Variants in ADAMTSL3 observed in about 807,000 individuals in gnomAD.
ADAMTSL3 encodes the protein ADAMTS-like protein 3.
In ADAMTSL3, 128 loss-of-function variants were observed where a neutral mutation model predicts 201.7. The ratio of observed to expected loss-of-function variants is 0.63; its 90% CI spans 0.55 to 0.73. The LOEUF is 0.73. Among genes scored for constraint, ADAMTSL3 ranks in the 30% least tolerant of loss-of-function variants. The pLI, the probability that ADAMTSL3 is intolerant of heterozygous loss-of-function variation, is 0.00. For synonymous variants in ADAMTSL3, 738 were observed against 748.4 expected (o/e 0.99, Z 0.23); for missense variants, 1,990 against 2,119.6 (o/e 0.94, Z 1.20).
rs558968451 is a variant in ADAMTSL3 at position 83,655,711 on chromosome 15, C to T, written c.-33-18C>T. ...GGGGCCAGAGCTGGTTGGTAATGAA[C>T]TCTTTCCTCGTTTGTAGGCTACAAC... On this transcript the variant is annotated intron_variant, in intron 1 of 29. Transcript: ENST00000286744. The T allele has an allele frequency of 1.3e-6, 2 of 1,590,088 alleles. No homozygotes were observed. The highest frequency in any genetic ancestry group is 1.7e-6 in the Non-Finnish European group (2 of 1,159,602).
chr15:83,708,600 CCA>C (rs1382712264), intron 3 of ADAMTSL3, among the ~76,000 whole-genome samples: 1 of 152,178 alleles, frequency 6.6e-6, no homozygotes, highest in Non-Finnish European at 1.5e-5. Context: ...CTTGCTTCTA[CCA>C]CTAATCAGCT....
chr15:84,036,891 A>G lies in ADAMTSL3; in HGVS notation c.4873A>G (p.Ile1625Val). ...RGFQSRKVDC[I>V]HTRSCKPVAK... ...TTTCCAGTCTCGGAAAGTCGACTGT[A>G]TCCACACAAGGAGTTGCAAACCTGT... Residue 1625 changes from isoleucine to valine, a missense_variant, in exon 29 of 30, where the codon ATC becomes GTC. Ile to Val is a conservative substitution (Grantham distance 29). Coordinates refer to ENST00000286744, the MANE Select transcript of ADAMTSL3 (RefSeq NM_207517.3). The G allele has an allele frequency of 6.2e-7, 1 of 1,614,124 alleles. No individual in the cohort carries two copies. Among genetic ancestry groups the G allele is most frequent in the Non-Finnish European group, 8.5e-7 (1 of 1,180,018 alleles).
intron 29 of ADAMTSL3, 144 bp downstream of exon 29, chr15:84,037,131 C>A: frequency 1.2e-6 from 1 of 868,416 alleles, no homozygotes. Context: ...GATTTGGTAG[C>A]TTGGGACATC....
At chr15:83,698,127 C>T (rs918495551) in intron 2 of ADAMTSL3, among the ~76,000 whole-genome samples, 3 of 152,126 alleles carry the variant, frequency 2.0e-5, no homozygotes, top group African/African-American at 7.2e-5. Flanking sequence ...CACAAAATTA[C>T]AAGGATTTTA....
At chr15:83,741,553 G>A (rs955888992) in intron 3 of ADAMTSL3, among the ~76,000 whole-genome samples, 1 of 152,066 alleles carries the variant, frequency 6.6e-6, no homozygotes, top group Non-Finnish European at 1.5e-5. Context: ...AAAGACATGT[G>A]AAATTATAAG....
chr15:83,873,314 T>C (rs1433572584), intron 9 of ADAMTSL3, among the ~76,000 whole-genome samples: 1 of 145,224 alleles, frequency 6.9e-6, no homozygotes, highest in Non-Finnish European at 1.5e-5. Context: ...AAAAAAATAG[T>C]AATTAAAAAA....
intron 19 of ADAMTSL3, among the ~76,000 whole-genome samples, chr15:83,944,579 T>A (rs1266929128): frequency 6.6e-6 from 1 of 152,184 alleles, no homozygotes; most frequent in African/African-American, 2.4e-5. Flanking sequence ...GTTGTCTCCC[T>A]TTTTATAGAT....
At chr15:83,893,023 CT>C in intron 13 of ADAMTSL3, 135 bp downstream of exon 13, 1 of 784,818 alleles carries the variant, frequency 1.3e-6, no homozygotes, top group Non-Finnish European at 2.0e-6. Context: ...CTCCAAAGAG[CT>C]TAGGAAGACA....
chr15:83,773,495 TTTTG>T (rs1567135364), intron 3 of ADAMTSL3, 24 bp from the exon 4 acceptor site: 2 of 1,610,096 alleles, frequency 1.2e-6, no homozygotes, highest in Non-Finnish European at 1.7e-6. Context: ...GTGGTTTTTT[TTTTG>T]TTTGTTTGCT....
intron 6 of ADAMTSL3, among the ~76,000 whole-genome samples, chr15:83,837,123 A>G (rs979255464): frequency 1.3e-5 from 2 of 152,116 alleles, no homozygotes; most frequent in Non-Finnish European, 2.9e-5. Flanking sequence ...AGCAGTATAA[A>G]CACGTATTTT....
chr15:84,013,452 C>T (rs1267309455), intron 23 of ADAMTSL3, among the ~76,000 whole-genome samples: 1 of 152,166 alleles, frequency 6.6e-6, no homozygotes, highest in African/African-American at 2.4e-5. Flanking sequence ...GAAAACATCC[C>T]CCAAAACAGT....
chr15:83,937,002 C>CA (rs1472787983), intron 17 of ADAMTSL3, among the ~76,000 whole-genome samples: 1 of 150,600 alleles, frequency 6.6e-6, no homozygotes, highest in Non-Finnish European at 1.5e-5. Context: ...ATTAAAAAGT[C>CA]AAAAAATTAC....
chr15:83,921,451 A>G (rs914093217), intron 16 of ADAMTSL3, among the ~76,000 whole-genome samples: 4 of 152,184 alleles, frequency 2.6e-5, no homozygotes, highest in Non-Finnish European at 5.9e-5. Context: ...ACTGATTGGC[A>G]CATAAAAGGC....
At chr15:83,747,436 C>T (rs1262549028) in intron 3 of ADAMTSL3, among the ~76,000 whole-genome samples, 1 of 152,128 alleles carries the variant, frequency 6.6e-6, no homozygotes, top group African/African-American at 2.4e-5. Context: ...GTAAGTTTTT[C>T]CATTTCCTAT....
chr15:83,968,666 A>G (rs892841504), intron 19 of ADAMTSL3, among the ~76,000 whole-genome samples: 3 of 152,250 alleles, frequency 2.0e-5, no homozygotes, highest in Non-Finnish European at 4.4e-5. Flanking sequence ...AACTGGGTAT[A>G]TACCCAAAGG....
At position 83,773,578 on chromosome 15, in the gene ADAMTSL3, G is replaced by T; in HGVS notation, c.245G>T (p.Gly82Val). 6.2e-7 allele frequency: 1 copy of T among 1,614,098 alleles called. No individual in the cohort carries two copies. Among genetic ancestry groups the T allele is most frequent in the Non-Finnish European group, 8.5e-7 (1 of 1,179,996 alleles). Residue 82 changes from glycine to valine, a missense_variant, in exon 4 of 30, where the codon GGC becomes GTC. Coordinates refer to ENST00000286744, the MANE Select transcript of ADAMTSL3 (RefSeq NM_207517.3). ...EDKDGNWDAW[G>V]DWSDCSRTCG... ...AAAGATGGCAACTGGGATGCTTGGG[G>T]CGACTGGAGTGACTGCTCCCGGACC... is the stretch of plus-strand genomic sequence containing the variant.
chr15:83,983,414 A>G, intron 21 of ADAMTSL3, 70 bp downstream of exon 21: 1 of 1,125,182 alleles, frequency 8.9e-7, no homozygotes, highest in Non-Finnish European at 1.2e-6. Context: ...TTTTCTTGAA[A>G]ATATTTTCAA....
chr15:83,896,569 A>C (rs2065619537), intron 13 of ADAMTSL3, among the ~76,000 whole-genome samples: 1 of 152,182 alleles, frequency 6.6e-6, no homozygotes, highest in Non-Finnish European at 1.5e-5. Context: ...ATGGCACCAC[A>C]CTAAGGCAAG....
intron 5 of ADAMTSL3, among the ~76,000 whole-genome samples, chr15:83,814,113 A>G (rs1376201975): frequency 2.0e-5 from 3 of 152,162 alleles, no homozygotes; most frequent in Non-Finnish European, 4.4e-5. Flanking sequence ...ACTTTACAGA[A>G]GGGACATTTG....
Sources: gnomAD v4.1 joint callset for allele counts (sites outside exome capture counted in the v4.1 genomes callset) on GRCh38, gnomAD v4.1.1 for gene constraint, MANE v1.5 for transcripts, NCBI Gene and HGNC (gene_info 2026-07-23, HGNC 2026-07-21) for gene names.